Variants in SOX6 observed in about 807,000 individuals in gnomAD.
The protein encoded by SOX6 is SRY-box transcription factor 6.
Under a neutral mutation model 97.8 loss-of-function variants are expected in SOX6, and 11 were observed. The ratio of observed to expected loss-of-function variants is 0.11; its 90% CI spans 0.07 to 0.19. The LOEUF (loss-of-function observed/expected upper bound fraction) is 0.19, where lower values mean the gene tolerates loss of function less well. SOX6 is among the 10% of genes least tolerant of loss of function. The probability of loss-of-function intolerance (pLI) is 1.00; values close to 1 mark genes in which losing one functional copy is unlikely to be tolerated. For synonymous variants in SOX6, 360 were observed against 371.4 expected, an observed-to-expected ratio of 0.97 and a Z score of 0.35; for missense variants, 810 against 1,039.5, an observed-to-expected ratio of 0.78 and a Z score of 3.04.
rs535133753 is a variant in SOX6, at chr11:16,344,687, G to A, written c.-4-3435C>T. Among the ~76,000 whole-genome samples, 120 of 152,022 alleles carry A rather than the reference G, an allele frequency of 7.9e-4. 1 individual carries two copies. The South Asian group carries it at 0.024, about 31-fold the overall frequency. ...ATTAAAACAGCACCTTACTTTAGCT[G>A]CTGCCTTATATGACTAATAAGTAAA... is the stretch of plus-strand genomic sequence containing the variant. On this transcript the variant is annotated intron_variant, in intron 1 of 15. Transcript: ENST00000683767.
chr11:16,638,009 C>A (rs1020300502), intron 3 of SOX6, among the ~76,000 whole-genome samples: 3 of 150,874 alleles, frequency 2.0e-5, no homozygotes, highest in African/African-American at 7.3e-5. Context: ...GTGTGCTGCA[C>A]CCATTAAATC....
intron 4 of SOX6, among the ~76,000 whole-genome samples, chr11:16,524,241 C>A (rs568607556): frequency 1.6e-3 from 243 of 151,922 alleles, no homozygotes; most frequent in South Asian, 0.01. Context: ...AAAATACTGG[C>A]AAACCGAATC....
rs988221704 is a variant in SOX6 at position 16,361,925 on chromosome 11, A to G, written c.-4-20673T>C. Among the ~76,000 whole-genome samples, 3 of 152,350 alleles carry G rather than the reference A, an allele frequency of 2.0e-5. No homozygotes were observed. The East Asian group carries it at 5.8e-4, about 29-fold the overall frequency. Reference sequence around the variant, plus strand: ...AGTGCTATATGCTTGTATGTTATTCATAATTTATAATTTGCAAGGCCTTAT... The same window carrying G: ...AGTGCTATATGCTTGTATGTTATTCGTAATTTATAATTTGCAAGGCCTTAT... On this transcript the variant is annotated intron_variant, in intron 1 of 15. Transcript: ENST00000396356.
In SOX6 at chr11:16,341,067, C is replaced by T. The variant is rs772618980; in HGVS notation, c.182G>A (p.Ser61Asn). 11 of 1,613,428 alleles carry T rather than the reference C, an allele frequency of 6.8e-6. No individual in the cohort carries two copies. In the South Asian group the frequency reaches 1.2e-4, roughly 18 times the overall value. Reference sequence around the variant, plus strand: ...CCAGTCAGCATCTTGTTGAATGGTACTGACAAGTGTTGGTAGCTCCTCAGA... The same window carrying T: ...CCAGTCAGCATCTTGTTGAATGGTATTGACAAGTGTTGGTAGCTCCTCAGA... Reference protein sequence around the residue: ...PHSEELPTLVSTIQQDADWDS... With the variant: ...PHSEELPTLVNTIQQDADWDS... The change falls in exon 2 of 16, where the codon AGT becomes AAT. Residue 61 changes from serine to asparagine, a missense_variant. Around this residue, in one of 9 missense-constraint regions of SOX6, gnomAD observed 100 missense variants for 94.6 expected, o/e 1.06. Transcript: ENST00000683767.
chr11:16,293,961 T>C (rs1854991760), intron 3 of SOX6, among the ~76,000 whole-genome samples: 1 of 151,898 alleles, frequency 6.6e-6, no homozygotes, highest in African/African-American at 2.4e-5. Context: ...CTTATTTTCT[T>C]TTTCTCTTTC....
At position 16,097,675 on chromosome 11, in the gene SOX6, G is replaced by C. The variant is rs772358464; in HGVS notation, c.912C>G (p.Pro304=). The change falls in exon 8 of 16, where the codon CCC becomes CCG. Residue 304 remains proline, a synonymous_variant. Coordinates refer to ENST00000683767, the MANE Select transcript of SOX6 (RefSeq NM_001367873.1). ...CCATTGTTGATGGAATGAACTGTAC[G>C]GGGTAGTTATCACCTGTCGGAAAGA... ...GITYKPGDNY[P]VQFIPSTMAA... The C allele has an allele frequency of 4.3e-6, 7 of 1,610,900 alleles. No homozygotes were observed. Among genetic ancestry groups the C allele is most frequent in the South Asian group, 2.2e-5 (2 of 91,048 alleles).
intron 3 of SOX6, among the ~76,000 whole-genome samples, chr11:16,625,378 CT>C (rs1848610161): frequency 1.3e-5 from 2 of 152,136 alleles, no homozygotes; most frequent in African/African-American, 4.8e-5. Flanking sequence ...ATATTGGTCT[CT>C]GCCCCCAGTT....
intron 3 of SOX6, chr11:16,646,158 C>T (rs1387273207): frequency 2.0e-5 from 3 of 152,090 alleles, no homozygotes; most frequent in Non-Finnish European, 4.4e-5. Flanking sequence ...AGAAAAAGCA[C>T]AAGAGTTCAA....
intron 15 of SOX6, among the ~76,000 whole-genome samples, chr11:15,975,585 C>T (rs535816227): frequency 1.2e-4 from 18 of 152,094 alleles, no homozygotes; most frequent in African/African-American, 2.7e-4. Context: ...AAATTGAGCT[C>T]GTATTATGTG....
chr11:16,598,854 T>C (rs1848239552), intron 4 of SOX6, among the ~76,000 whole-genome samples: 2 of 151,266 alleles, frequency 1.3e-5, no homozygotes, highest in South Asian at 2.1e-4. Context: ...AGATAGACAA[T>C]TCGTCTCTTT....
intron 4 of SOX6, among the ~76,000 whole-genome samples, chr11:16,189,273 A>G (rs1325255704): frequency 1.3e-5 from 2 of 152,214 alleles, no homozygotes; most frequent in Admixed American, 6.5e-5. Context: ...GAGTTGGAGC[A>G]TGGTTTGAAG....
chr11:16,572,222 C>A (rs565610671), intron 4 of SOX6, among the ~76,000 whole-genome samples: 1 of 152,212 alleles, frequency 6.6e-6, no homozygotes, highest in African/African-American at 2.4e-5. Context: ...TGCATTTTAA[C>A]ATATTATTTA....
chr11:16,462,455 A>G (rs1199329963), intron 1 of SOX6, among the ~76,000 whole-genome samples: 1 of 152,186 alleles, frequency 6.6e-6, no homozygotes, highest in African/African-American at 2.4e-5. Context: ...ACCTAATCAC[A>G]TCCACAAAGT....
At chr11:16,067,959 T>C (rs1052736477) in intron 9 of SOX6, among the ~76,000 whole-genome samples, 3 of 152,212 alleles carry the variant, frequency 2.0e-5, no homozygotes, top group African/African-American at 7.2e-5. Context: ...CTCTTACCCT[T>C]ATATTTATCC....
chr11:16,558,619 G>A (rs966340018), intron 4 of SOX6, among the ~76,000 whole-genome samples: 19 of 151,830 alleles, frequency 1.3e-4, no homozygotes, highest in East Asian at 3.9e-4. Context: ...TTCTAAATAC[G>A]AAGGAGTTGT....
intron 7 of SOX6, among the ~76,000 whole-genome samples, chr11:16,101,985 A>G (rs957327167): frequency 6.6e-6 from 1 of 151,854 alleles, no homozygotes; most frequent in African/African-American, 2.4e-5. Context: ...AAGGATACCC[A>G]CTTTAACCAC....
At chr11:16,402,799 C>T (rs1227045088) in intron 1 of SOX6, 1 of 1,578,968 alleles carries the variant, frequency 6.3e-7, no homozygotes, top group Admixed American at 1.8e-5. Context: ...GAGACAACAA[C>T]CTTTCATGTC....
chr11:16,673,008 G>T (rs141042796), intron 3 of SOX6, among the ~76,000 whole-genome samples: 1 of 152,118 alleles, frequency 6.6e-6, no homozygotes, highest in East Asian at 1.9e-4. Context: ...GCAGGCGGAG[G>T]TTGCAGTTAG....
chr11:16,233,443 A>G (rs953793459), intron 4 of SOX6, among the ~76,000 whole-genome samples: 4 of 152,186 alleles, frequency 2.6e-5, no homozygotes, highest in Non-Finnish European at 5.9e-5. Flanking sequence ...ACTTCTTAAC[A>G]TGTCTAAAAA....
Sources: gnomAD v4.1 joint callset for allele counts (sites outside exome capture counted in the v4.1 genomes callset) on GRCh38, gnomAD v4.1.1 for gene constraint, gnomAD v4.1.1 regional missense constraint, MANE v1.5 for transcripts, NCBI Gene and HGNC (gene_info 2026-07-23, HGNC 2026-07-21) for gene names.